FGF12: variants seen among roughly 807,000 people sequenced by gnomAD.
The protein encoded by FGF12 is fibroblast growth factor 12.
FGF12 carries 14 observed loss-of-function variants against 23.6 expected under a neutral mutation model. The observed-to-expected ratio is 0.59, with a 90% confidence interval of 0.39 to 0.93. The LOEUF (loss-of-function observed/expected upper bound fraction) is 0.93, where lower values mean the gene tolerates loss of function less well. FGF12 is among the 40% of genes least tolerant of loss of function. FGF12 has a pLI of 0.00. For missense variants in FGF12, 175 were observed against 217.8 expected (o/e 0.80, Z 1.24); for synonymous variants, 62 against 77.3 (o/e 0.80, Z 1.04).
chr3:192,190,622 C>A (rs1474868961), intron 4 of FGF12, among the ~76,000 whole-genome samples: 1 of 151,680 alleles, frequency 6.6e-6, no homozygotes, highest in African/African-American at 2.4e-5. Flanking sequence ...ACTACAGGTG[C>A]CCGCCACCGC....
chr3:192,472,357 C>T (rs1375884499), intron 2 of FGF12, among the ~76,000 whole-genome samples: 1 of 152,092 alleles, frequency 6.6e-6, no homozygotes, highest in East Asian at 1.9e-4. Flanking sequence ...CCTTATTGTC[C>T]GTATTGGGTC....
intron 4 of FGF12, among the ~76,000 whole-genome samples, chr3:192,196,669 T>C (rs530471020): frequency 1.1e-3 from 167 of 152,286 alleles, no homozygotes; most frequent in African/African-American, 3.9e-3. Flanking sequence ...ATTTCTAACT[T>C]TCCGTCAAAA....
At chr3:192,481,320 T>C (rs1296296088) in intron 2 of FGF12, among the ~76,000 whole-genome samples, 1 of 152,012 alleles carries the variant, frequency 6.6e-6, no homozygotes, top group South Asian at 2.1e-4. Flanking sequence ...AATGCACTTA[T>C]CCTCTCTGAG....
chr3:192,703,405 G>A (rs1286111983), intron 2 of FGF12, among the ~76,000 whole-genome samples: 20 of 152,142 alleles, frequency 1.3e-4, no homozygotes, highest in Non-Finnish European at 2.9e-5. Flanking sequence ...TCAGCAATTC[G>A]TAATCTTTTT....
At chr3:192,361,169 C>CAA (rs10651290) in intron 2 of FGF12, among the ~76,000 whole-genome samples, 8,670 of 98,590 alleles carry the variant, frequency 0.088, 1,415 homozygotes, top group African/African-American at 0.28. Context: ...TTCTCCAGTA[C>CAA]AAAAAAAAAA....
At chr3:192,443,112 C>T (rs543062169) in intron 2 of FGF12, among the ~76,000 whole-genome samples, 338 of 152,164 alleles carry the variant, frequency 2.2e-3, no homozygotes, top group Non-Finnish European at 4.0e-3. Context: ...CCGGCCGTGT[C>T]TTCCATCTTT....
rs544335646 is a variant in FGF12, at chr3:192,177,657, G to A, written c.229-7001C>T. On this transcript the variant is annotated intron_variant, in intron 4 of 5. Transcript: ENST00000445105. ...ATGTACAGTCAATGAGTGAATGCTCGTTGTACTCAGCCACTGGTCTCCTTG... is the reference window on the plus strand; with the variant it reads ...ATGTACAGTCAATGAGTGAATGCTCATTGTACTCAGCCACTGGTCTCCTTG... Among the ~76,000 whole-genome samples, 6 of 152,300 alleles carry A rather than the reference G, an allele frequency of 3.9e-5. No homozygotes were observed. The South Asian group carries it at 6.2e-4, about 16-fold the overall frequency.
At chr3:192,583,216 A>G (rs1713233608) in intron 2 of FGF12, among the ~76,000 whole-genome samples, 2 of 152,224 alleles carry the variant, frequency 1.3e-5, no homozygotes, top group African/African-American at 4.8e-5. Context: ...TCAACGGTGA[A>G]TATCACTGGC....
At chr3:192,472,659 G>A (rs1358970993) in intron 2 of FGF12, among the ~76,000 whole-genome samples, 1 of 152,148 alleles carries the variant, frequency 6.6e-6, no homozygotes, top group African/African-American at 2.4e-5. Context: ...GGAATGAAGA[G>A]TAGGAAGGGA....
intron 2 of FGF12, among the ~76,000 whole-genome samples, chr3:192,381,740 C>T (rs77639144): frequency 6.6e-6 from 1 of 152,112 alleles, no homozygotes; most frequent in African/African-American, 2.4e-5. Context: ...CACACAAGGA[C>T]AGAAGTAAAA....
At position 192,142,920 on chromosome 3, in the gene FGF12, TAA is replaced by T. The variant is rs780627885; in HGVS notation, c.*1087_*1088del. On this transcript the variant is annotated 3_prime_UTR_variant, in exon 6 of 6. Coordinates refer to ENST00000445105, the MANE Select transcript of FGF12 (RefSeq NM_004113.6). ...TCATGGCAGAGTTTAAAAAACAATA[TAA>T]GACTGTGGTAAGGTACAAACGCAAA... 3 of 152,038 alleles carry T rather than the reference TAA, an allele frequency of 2.0e-5. No individual in the cohort carries two copies. The highest frequency in any genetic ancestry group is 4.1e-4 in the South Asian group (2 of 4,832). The allele number at this position is 152,038 out of a possible 1,614,324, so 9.4% of individuals were successfully genotyped here. A position where few individuals can be genotyped will look rare whatever the true frequency, so the allele number is the denominator to read the frequency against.
At chr3:192,712,253 C>T (rs1221473209) in intron 2 of FGF12, among the ~76,000 whole-genome samples, 1 of 150,644 alleles carries the variant, frequency 6.6e-6, no homozygotes, top group Non-Finnish European at 1.5e-5. Context: ...GTAAGATTTC[C>T]AGAATACCAG....
chr3:192,479,239 A>G (rs11920469), intron 2 of FGF12, among the ~76,000 whole-genome samples: 16,121 of 152,198 alleles, frequency 0.11, 2,754 homozygotes, highest in African/African-American at 0.36. Flanking sequence ...TATCAGTGCC[A>G]TCTATGTTTA....
intron 4 of FGF12, among the ~76,000 whole-genome samples, chr3:192,196,715 G>A (rs1024644257): frequency 1.3e-5 from 2 of 152,166 alleles, no homozygotes; most frequent in African/African-American, 4.8e-5. Flanking sequence ...AGGTAGACGT[G>A]ACAGCATTTT....
chr3:192,461,546 G>A (rs983963326), intron 2 of FGF12, among the ~76,000 whole-genome samples: 2 of 151,804 alleles, frequency 1.3e-5, no homozygotes, highest in East Asian at 3.9e-4. Flanking sequence ...TATCTGATGT[G>A]GTTTTTATTT....
chr3:192,554,453 A>C (rs1011717211), intron 2 of FGF12, among the ~76,000 whole-genome samples: 7 of 152,222 alleles, frequency 4.6e-5, no homozygotes, highest in African/African-American at 1.7e-4. Flanking sequence ...TTCTTAAAAA[A>C]AGAAACTGGC....
intron 2 of FGF12, among the ~76,000 whole-genome samples, chr3:192,592,451 C>A (rs1713666087): frequency 6.6e-6 from 1 of 151,856 alleles, no homozygotes; most frequent in African/African-American, 2.4e-5. Flanking sequence ...ATCCTAGTCA[C>A]AGATCCTTCT....
At chr3:192,281,789 C>G (rs1714160979) in intron 4 of FGF12, among the ~76,000 whole-genome samples, 1 of 152,078 alleles carries the variant, frequency 6.6e-6, no homozygotes, top group African/African-American at 2.4e-5. Context: ...TCAGCCCTCC[C>G]AAAGCTGTTC....
intron 2 of FGF12, among the ~76,000 whole-genome samples, chr3:192,380,227 A>G (rs934811755): frequency 2.0e-5 from 3 of 152,178 alleles, no homozygotes; most frequent in African/African-American, 7.2e-5. Context: ...AAGAATTACA[A>G]TTTACTGCAC....
Sources: gnomAD v4.1 joint callset for allele counts (sites outside exome capture counted in the v4.1 genomes callset) on GRCh38, gnomAD v4.1.1 for gene constraint, MANE v1.5 for transcripts, NCBI Gene and HGNC (gene_info 2026-07-23, HGNC 2026-07-21) for gene names.